Variants in RIPK1 observed in about 807,000 individuals in gnomAD.
RIPK1 encodes the protein receptor-interacting serine/threonine-protein kinase 1.
A neutral mutation model predicts 62.4 loss-of-function variants in RIPK1; 27 were observed. The ratio of observed to expected loss-of-function variants is 0.43; its 90% CI spans 0.32 to 0.60. The LOEUF (loss-of-function observed/expected upper bound fraction) is 0.60. Ranked by LOEUF, RIPK1 falls within the 20% of genes least tolerant of loss-of-function variation. The pLI, the probability that RIPK1 is intolerant of heterozygous loss-of-function variation, is 0.07. For synonymous variants in RIPK1, 287 were observed against 303.2 expected (o/e 0.95, Z 0.55); for missense variants, 735 against 831.0 (o/e 0.88, Z 1.42).
At chr6:3,093,938 C>T (rs1760111867) in intron 7 of RIPK1, among the ~76,000 whole-genome samples, 4 of 96,386 alleles carry the variant, frequency 4.1e-5, no homozygotes, top group Non-Finnish European at 6.0e-5. Flanking sequence ...CTACCTGCCG[C>T]ACCTAGTAAC....
intron 7 of RIPK1, among the ~76,000 whole-genome samples, chr6:3,096,389 G>A (rs1166576191): frequency 6.6e-6 from 1 of 152,028 alleles, no homozygotes; most frequent in Admixed American, 6.6e-5. Context: ...CAAAAGGTAT[G>A]TAGTAACTCT....
chr6:3,089,075 T>C (rs576147575), intron 6 of RIPK1, among the ~76,000 whole-genome samples: 1 of 152,336 alleles, frequency 6.6e-6, no homozygotes, highest in South Asian at 2.1e-4. Context: ...TTATAAATAA[T>C]ATATAGGATG....
chr6:3,071,049 C>A (rs1418752795), intron 1 of RIPK1, among the ~76,000 whole-genome samples: 2 of 152,210 alleles, frequency 1.3e-5, no homozygotes, highest in Admixed American at 6.5e-5. Flanking sequence ...AACTCTGTTT[C>A]AATTCTTGTC....
chr6:3,098,476 A>G (rs1412204553), intron 7 of RIPK1, among the ~76,000 whole-genome samples: 1 of 152,208 alleles, frequency 6.6e-6, no homozygotes, highest in Non-Finnish European at 1.5e-5. Flanking sequence ...AACAACATGA[A>G]ATAAATCCAA....
intron 7 of RIPK1, among the ~76,000 whole-genome samples, chr6:3,101,728 A>G (rs1561770710): frequency 6.6e-6 from 1 of 152,206 alleles, no homozygotes. Flanking sequence ...ATAATTTTCT[A>G]TGTTTTCTAT....
At chr6:3,075,956 C>T (rs373373770) in intron 1 of RIPK1, among the ~76,000 whole-genome samples, 5 of 151,734 alleles carry the variant, frequency 3.3e-5, no homozygotes, top group African/African-American at 1.2e-4. Flanking sequence ...TGAGCAGTGC[C>T]GTGTTAAGGG....
chr6:3,101,680 G>T (rs1163287798), intron 7 of RIPK1, among the ~76,000 whole-genome samples: 3 of 151,856 alleles, frequency 2.0e-5, no homozygotes, highest in African/African-American at 7.3e-5. Context: ...TTTTATCTTT[G>T]GGTGTAGGGC....
At chr6:3,087,834 G>A (rs866457225) in intron 6 of RIPK1, among the ~76,000 whole-genome samples, 11 of 152,068 alleles carry the variant, frequency 7.2e-5, no homozygotes, top group South Asian at 6.2e-4. Context: ...CACTGTGTCC[G>A]GCCTACCGAG....
Position 3,083,341 on chromosome 6 carries a change from G to T in RIPK1, c.688+28G>T, listed in dbSNP as rs755072184. ...AAGGCATTACTTACTTTCCACTGCC[G>T]TCCCCTCAGCATCTACACGCACTGT... On this transcript the variant is annotated intron_variant, in intron 5 of 10. Coordinates refer to ENST00000259808, the MANE Select transcript of RIPK1 (RefSeq NM_001354930.2). 58 of 1,569,934 alleles carry T rather than the reference G, an allele frequency of 3.7e-5. No individual in the cohort carries two copies. The Admixed American group carries it at 1.0e-3, about 28-fold the overall frequency.
intron 1 of RIPK1, among the ~76,000 whole-genome samples, chr6:3,071,579 C>T (rs1424982758): frequency 6.6e-6 from 1 of 152,202 alleles, no homozygotes; most frequent in Non-Finnish European, 1.5e-5. Flanking sequence ...TATCCTTCAA[C>T]TACTCACAAG....
intron 7 of RIPK1, among the ~76,000 whole-genome samples, chr6:3,099,563 C>A (rs550971021): frequency 1.8e-4 from 28 of 152,080 alleles, no homozygotes; most frequent in African/African-American, 3.1e-4. Flanking sequence ...AACAAAAAAA[C>A]CAAAATAAAA....
intron 1 of RIPK1, among the ~76,000 whole-genome samples, chr6:3,074,744 C>T (rs112903231): frequency 3.9e-5 from 6 of 152,254 alleles, no homozygotes; most frequent in African/African-American, 9.6e-5. Context: ...GAGTGGCATG[C>T]GATCTCGGCT....
intron 9 of RIPK1, among the ~76,000 whole-genome samples, chr6:3,108,998 C>A (rs1761013436): frequency 6.6e-6 from 1 of 152,122 alleles, no homozygotes; most frequent in South Asian, 2.1e-4. Flanking sequence ...TCTTCTCAAC[C>A]ACCTTCTCTC....
intron 7 of RIPK1, among the ~76,000 whole-genome samples, chr6:3,095,911 C>CACGG (rs1419072159): frequency 6.7e-6 from 1 of 148,624 alleles, no homozygotes; most frequent in Non-Finnish European, 1.5e-5. Flanking sequence ...GTGGCGTGAT[C>CACGG]ACGGCTTACT....
upstream of RIPK1, among the ~76,000 whole-genome samples, chr6:3,066,504 A>G (rs983256177): frequency 6.6e-6 from 1 of 152,196 alleles, no homozygotes; most frequent in Non-Finnish European, 1.5e-5. Context: ...CTGAGTGAAT[A>G]GCTCTGCCTT....
intron 7 of RIPK1, among the ~76,000 whole-genome samples, chr6:3,100,146 G>T (rs1425726852): frequency 6.6e-6 from 1 of 152,192 alleles, no homozygotes; most frequent in Non-Finnish European, 1.5e-5. Flanking sequence ...TTTTGGCCTG[G>T]TGCAGTGGCT....
chr6:3,107,322 C>T (rs1016925950), intron 9 of RIPK1, among the ~76,000 whole-genome samples: 3 of 146,714 alleles, frequency 2.0e-5, no homozygotes, highest in South Asian at 2.2e-4. Flanking sequence ...TTTGGGAGGC[C>T]GAGGTGGGAA....
chr6:3,078,076 T>C (rs529470247), intron 3 of RIPK1, 141 bp downstream of exon 3: 1 of 784,556 alleles, frequency 1.3e-6, no homozygotes, highest in South Asian at 1.9e-5. Context: ...TTTTCCTTTT[T>C]TTATAGAGAC....
chr6:3,072,255 T>C lies in RIPK1; in HGVS notation c.-61+3594T>C, dbSNP rs753583791. Among the ~76,000 whole-genome samples, 7 of 152,180 alleles carry C rather than the reference T, an allele frequency of 4.6e-5. No homozygotes were observed. Among genetic ancestry groups the C allele is most frequent in the Non-Finnish European group, 1.0e-4 (7 of 68,034 alleles). On this transcript the variant is annotated intron_variant, in intron 1 of 10. Coordinates refer to ENST00000259808, the MANE Select transcript of RIPK1 (RefSeq NM_001354930.2). The surrounding 1 kb of genome is among the most constrained non-coding windows in gnomAD (Gnocchi z 5.6). The stretch of plus-strand genomic sequence containing the variant: ...TAATTTTACATTTAATTCATGTCTA[T>C]TGTGGAAAATTTGGAAAACATAGTA...
Sources: gnomAD v4.1 joint callset for allele counts (sites outside exome capture counted in the v4.1 genomes callset) on GRCh38, gnomAD v4.1.1 for gene constraint, Gnocchi (gnomAD v3.1) non-coding constraint, MANE v1.5 for transcripts, NCBI Gene and HGNC (gene_info 2026-07-23, HGNC 2026-07-21) for gene names.